Variants in TENM4 observed in about 807,000 individuals in gnomAD.
TENM4 encodes teneurin transmembrane protein 4, also known as teneurin-4.
A neutral mutation model predicts 243.3 loss-of-function variants in TENM4; 82 were observed. The ratio of observed to expected loss-of-function variants is 0.34; its 90% CI spans 0.28 to 0.40. The LOEUF is 0.40. TENM4 is among the 10% of genes least tolerant of loss of function. The probability of loss-of-function intolerance (pLI) is 1.00; values close to 1 mark genes in which losing one functional copy is unlikely to be tolerated. For missense variants in TENM4, 3,138 were observed against 3,673.3 expected, an observed-to-expected ratio of 0.85 and a Z score of 3.77; for synonymous variants, 1,412 against 1,456.3, an observed-to-expected ratio of 0.97 and a Z score of 0.69.
At chr11:78,709,268 C>T (rs1021668418) in intron 26 of TENM4, among the ~76,000 whole-genome samples, 6 of 151,882 alleles carry the variant, frequency 4.0e-5, no homozygotes, top group Non-Finnish European at 8.8e-5. Flanking sequence ...CCCGGCCCGT[C>T]CTTCATGCTT....
chr11:78,996,687 T>C (rs939072719), intron 6 of TENM4, among the ~76,000 whole-genome samples: 1 of 152,202 alleles, frequency 6.6e-6, no homozygotes. Context: ...CAAGCAGTGC[T>C]GCTTTGGGGC....
intron 6 of TENM4, among the ~76,000 whole-genome samples, chr11:78,958,161 G>T (rs1169520970): frequency 1.3e-5 from 2 of 152,090 alleles, no homozygotes; most frequent in Non-Finnish European, 2.9e-5. Flanking sequence ...GAAAGACTTC[G>T]AGCACATAGA....
chr11:79,066,678 A>G (rs562078642), intron 5 of TENM4, among the ~76,000 whole-genome samples: 2 of 150,898 alleles, frequency 1.3e-5, no homozygotes, highest in Admixed American at 6.6e-5. Context: ...ATGCACACAC[A>G]CGCACGCATG....
chr11:79,399,083 A>C (rs1394386764), intron 1 of TENM4, among the ~76,000 whole-genome samples: 1 of 152,198 alleles, frequency 6.6e-6, no homozygotes, highest in African/African-American at 2.4e-5. Flanking sequence ...TGTCACTGTA[A>C]CTACCCTGTA....
At chr11:78,798,930 G>A (rs544039706) in intron 15 of TENM4, among the ~76,000 whole-genome samples, 14 of 152,164 alleles carry the variant, frequency 9.2e-5, no homozygotes, top group Non-Finnish European at 2.1e-4. Flanking sequence ...CTCTGCTCAT[G>A]CTGAATAATT....
chr11:78,904,086 C>A (rs181631311), intron 6 of TENM4, among the ~76,000 whole-genome samples: 25 of 152,098 alleles, frequency 1.6e-4, no homozygotes, highest in Non-Finnish European at 2.2e-4. Context: ...CGTGGCCGGT[C>A]GCGGTGGCTC....
At chr11:78,879,566 A>G (rs1306786341) in intron 9 of TENM4, among the ~76,000 whole-genome samples, 6 of 77,194 alleles carry the variant, frequency 7.8e-5, no homozygotes, top group Admixed American at 1.7e-4. Context: ...AGTGGGGAGC[A>G]CCTCCACACG....
intron 6 of TENM4, among the ~76,000 whole-genome samples, chr11:79,061,617 C>A (rs7946562): frequency 6.6e-6 from 1 of 152,062 alleles, no homozygotes; most frequent in Non-Finnish European, 1.5e-5. Flanking sequence ...CAATAATGTG[C>A]GCAAGTGTGC....
intron 4 of TENM4, among the ~76,000 whole-genome samples, chr11:79,085,155 G>A (rs532930072): frequency 2.0e-5 from 3 of 151,956 alleles, no homozygotes; most frequent in South Asian, 2.1e-4. Context: ...GGTGGATCAC[G>A]AGGTCAGGAG....
intron 17 of TENM4, among the ~76,000 whole-genome samples, chr11:78,778,333 G>C (rs1427317793): frequency 8.3e-6 from 1 of 120,292 alleles, no homozygotes; most frequent in Non-Finnish European, 1.7e-5. Context: ...GGGGCGGGGG[G>C]AGGGAAAAAC....
At chr11:79,379,641 T>G (rs1857961928) in intron 1 of TENM4, among the ~76,000 whole-genome samples, 1 of 152,204 alleles carries the variant, frequency 6.6e-6, no homozygotes, top group Non-Finnish European at 1.5e-5. Context: ...AAGTCAGTGC[T>G]CATGTTATCT....
chr11:78,954,576 C>T (rs1409639613), intron 6 of TENM4, among the ~76,000 whole-genome samples: 1 of 152,238 alleles, frequency 6.6e-6, no homozygotes, highest in Non-Finnish European at 1.5e-5. Flanking sequence ...TCTCTCCTCA[C>T]TGTCCTTGAG....
chr11:79,233,578 T>C (rs985521995), intron 2 of TENM4, among the ~76,000 whole-genome samples: 1 of 151,994 alleles, frequency 6.6e-6, no homozygotes, highest in African/African-American at 2.4e-5. Context: ...TGGAGCAGAA[T>C]GTGAGGCACT....
intron 3 of TENM4, among the ~76,000 whole-genome samples, chr11:79,176,628 C>T (rs1376479860): frequency 6.6e-6 from 1 of 152,182 alleles, no homozygotes; most frequent in Non-Finnish European, 1.5e-5. Flanking sequence ...ATTTTTTAGT[C>T]TGCCTCCTTT....
chr11:78,783,244 A>C (rs904062116), intron 16 of TENM4, among the ~76,000 whole-genome samples: 1 of 152,224 alleles, frequency 6.6e-6, no homozygotes, highest in Non-Finnish European at 1.5e-5. Context: ...TCATGGATCC[A>C]TAAAACTCCT....
At chr11:79,371,749 T>C (rs1297841552) in intron 1 of TENM4, among the ~76,000 whole-genome samples, 1 of 152,202 alleles carries the variant, frequency 6.6e-6, no homozygotes, top group Non-Finnish European at 1.5e-5. Flanking sequence ...ATGATAATTG[T>C]TGTTACTAGT....
chr11:78,998,481 A>C (rs963335992), intron 6 of TENM4, among the ~76,000 whole-genome samples: 2 of 152,274 alleles, frequency 1.3e-5, no homozygotes, highest in African/African-American at 4.8e-5. Flanking sequence ...AAAGTTTGAC[A>C]AAATTGACAA....
intron 3 of TENM4, among the ~76,000 whole-genome samples, chr11:79,206,271 A>G (rs1428965373): frequency 1.3e-5 from 2 of 152,242 alleles, no homozygotes; most frequent in Admixed American, 6.5e-5. Context: ...GAAATCTGGC[A>G]TCTCCTGAAG....
rs527303316 is a variant in TENM4 at position 78,787,037 on chromosome 11, G to A, written c.2226C>T (p.Gly742=). Residue 742 remains glycine, a synonymous_variant, in exon 16 of 34, where the codon GGC becomes GGT. Transcript: ENST00000278550. ...DCGGHGVCVG[G]TCRCEDGWMG... ...TCCAGCCATCCTCGCAGCGGCAGGT[G>A]CCCCCTACGCACACGCCATGGCCAC... The A allele has an allele frequency of 5.1e-5, 80 of 1,554,208 alleles. No individual in the cohort carries two copies. The Admixed American group carries it at 1.2e-3, about 24-fold the overall frequency.
Sources: allele counts gnomAD v4.1 joint callset (sites outside exome capture counted in the v4.1 genomes callset), GRCh38; gene constraint gnomAD v4.1.1; transcripts MANE v1.5; gene names NCBI Gene and HGNC (gene_info 2026-07-23, HGNC 2026-07-21).